The following SNX18 variants were observed in gnomAD, a reference collection of about 807,000 sequenced individuals.
The protein encoded by SNX18 is sorting nexin-18.
In SNX18, 35 loss-of-function variants were observed where a neutral mutation model predicts 48.7. The ratio of observed to expected loss-of-function variants is 0.72; its 90% CI spans 0.55 to 0.95. The LOEUF (loss-of-function observed/expected upper bound fraction) is 0.95, where lower values mean the gene tolerates loss of function less well. Among genes scored for constraint, SNX18 ranks in the 40% least tolerant of loss-of-function variants. The probability of loss-of-function intolerance (pLI) is 0.00; values close to 1 mark genes in which losing one functional copy is unlikely to be tolerated. For missense variants in SNX18, 824 were observed against 871.0 expected, an observed-to-expected ratio of 0.95 and a Z score of 0.68; for synonymous variants, 492 against 384.7, an observed-to-expected ratio of 1.28 and a Z score of -3.26.
the SNX18 span, among the ~76,000 whole-genome samples, chr5:54,604,492 C>T: frequency 4.6e-5 from 7 of 152,118 alleles, no homozygotes; most frequent in Non-Finnish European, 8.8e-5. Flanking sequence ...CAACATTATG[C>T]TAAGTGAAAT....
the SNX18 span, among the ~76,000 whole-genome samples, chr5:54,571,251 G>A: frequency 6.6e-6 from 1 of 152,112 alleles, no homozygotes; most frequent in African/African-American, 2.4e-5. Context: ...CCAGTCTCTC[G>A]GGAGGGGAAA....
At chr5:54,525,065 C>G (rs967500531) in intron 1 of SNX18, among the ~76,000 whole-genome samples, 5 of 152,204 alleles carry the variant, frequency 3.3e-5, no homozygotes, top group African/African-American at 1.2e-4. Flanking sequence ...AGCATGGGCT[C>G]TGGAGGGCCA....
the SNX18 span, among the ~76,000 whole-genome samples, chr5:54,571,771 A>G: frequency 1.3e-5 from 2 of 152,096 alleles, no homozygotes; most frequent in African/African-American, 2.4e-5. Context: ...TGGACTCATG[A>G]TTATGTATGG....
At chr5:54,587,264 A>AC in the SNX18 span, among the ~76,000 whole-genome samples, 4 of 152,154 alleles carry the variant, frequency 2.6e-5, no homozygotes, top group Non-Finnish European at 5.9e-5. Context: ...CCTTACGTAA[A>AC]AGTTGGTATG....
At chr5:54,572,186 G>T in the SNX18 span, among the ~76,000 whole-genome samples, 1 of 152,118 alleles carries the variant, frequency 6.6e-6, no homozygotes, top group African/African-American at 2.4e-5. Context: ...CTGGGAAAAG[G>T]CTTGTACTTT....
the SNX18 span, among the ~76,000 whole-genome samples, chr5:54,575,837 T>C: frequency 6.6e-6 from 1 of 152,158 alleles, no homozygotes; most frequent in African/African-American, 2.4e-5. Context: ...TTTACATCCT[T>C]CACCCCCATG....
the SNX18 span, among the ~76,000 whole-genome samples, chr5:54,588,478 C>G: frequency 6.6e-6 from 1 of 151,808 alleles, no homozygotes; most frequent in African/African-American, 2.4e-5. Flanking sequence ...CAGGCACCCA[C>G]CACCACGCCT....
At chr5:54,622,797 C>G in the SNX18 span, among the ~76,000 whole-genome samples, 42 of 151,986 alleles carry the variant, frequency 2.8e-4, 6 homozygotes, top group Admixed American at 2.3e-3. Flanking sequence ...GGTGTTATCC[C>G]CATTTTGCAA....
downstream of SNX18, among the ~76,000 whole-genome samples, chr5:54,549,157 A>G (rs541556820): frequency 2.0e-5 from 3 of 152,348 alleles, no homozygotes; most frequent in African/African-American, 7.2e-5. Flanking sequence ...CTTTGTGGAC[A>G]TATTGTGAGA....
chr5:54,628,467 G>A, the SNX18 span, among the ~76,000 whole-genome samples: 2 of 152,154 alleles, frequency 1.3e-5, no homozygotes. Flanking sequence ...AGCTGGAAGA[G>A]TGACTGGATT....
chr5:54,643,115 C>T, the SNX18 span, among the ~76,000 whole-genome samples: 1 of 152,102 alleles, frequency 6.6e-6, no homozygotes, highest in Non-Finnish European at 1.5e-5. Context: ...ACAAGGCATT[C>T]CCAACCTCGT....
At chr5:54,584,045 T>TG in the SNX18 span, among the ~76,000 whole-genome samples, 1 of 128,554 alleles carries the variant, frequency 7.8e-6, no homozygotes, top group Non-Finnish European at 1.7e-5. Flanking sequence ...AGTGTGTAGC[T>TG]CTTTTTTTTT....
the SNX18 span, among the ~76,000 whole-genome samples, chr5:54,640,620 T>TGCA: frequency 6.6e-5 from 10 of 152,340 alleles, no homozygotes; most frequent in African/African-American, 2.4e-4. Context: ...CATAAAATCG[T>TGCA]GCACCCTTTA....
At chr5:54,567,421 AC>A in the SNX18 span, among the ~76,000 whole-genome samples, 1 of 152,124 alleles carries the variant, frequency 6.6e-6, no homozygotes, top group Non-Finnish European at 1.5e-5. Flanking sequence ...GACCTGCTGC[AC>A]CCAAGATGGG....
the SNX18 span, among the ~76,000 whole-genome samples, chr5:54,595,921 C>T: frequency 6.6e-6 from 1 of 152,170 alleles, no homozygotes; most frequent in Admixed American, 6.5e-5. Flanking sequence ...TCCATAGTCA[C>T]ATTTCCTCCT....
At chr5:54,576,077 C>T in the SNX18 span, among the ~76,000 whole-genome samples, 2 of 152,192 alleles carry the variant, frequency 1.3e-5, no homozygotes, top group South Asian at 2.1e-4. Flanking sequence ...TTTATTAGAT[C>T]GACCCAAGGA....
chr5:54,583,614 A>T, the SNX18 span, among the ~76,000 whole-genome samples: 1 of 152,312 alleles, frequency 6.6e-6, no homozygotes, highest in South Asian at 2.1e-4. Flanking sequence ...TTATTTTACC[A>T]ATGCTTAGCT....
Position 54,518,669 on chromosome 5 carries a change from C to A in SNX18, c.717C>A (p.Gly239=). ...GCTTCTCCACCTTCGTCAAGTCCGG[C>A]GGGGAGGCCTTCGTGCTGGGGGAGG... is the stretch of plus-strand genomic sequence containing the variant. ...LNRFSTFVKS[G]GEAFVLGEAS... Residue 239 remains glycine (G), a synonymous_variant, in exon 1 of 2, where the codon GGC becomes GGA. Transcript: ENST00000381410. The A allele has an allele frequency of 1.3e-6, 2 of 1,561,530 alleles. No homozygotes were observed. Among genetic ancestry groups the A allele is most frequent in the Admixed American group, 1.9e-5 (1 of 51,682 alleles).
At chr5:54,559,637 A>G in the SNX18 span, among the ~76,000 whole-genome samples, 2 of 152,208 alleles carry the variant, frequency 1.3e-5, no homozygotes, top group African/African-American at 4.8e-5. Flanking sequence ...AGGCAATACC[A>G]TTCTGGACAC....
Sources: allele counts gnomAD v4.1 joint callset (sites outside exome capture counted in the v4.1 genomes callset), GRCh38; gene constraint gnomAD v4.1.1; transcripts MANE v1.5; gene names NCBI Gene and HGNC (gene_info 2026-07-23, HGNC 2026-07-21).